The following GAS7 variants were observed in gnomAD, a reference collection of about 807,000 sequenced individuals.
GAS7 encodes the protein growth arrest specific 7.
A neutral mutation model predicts 71.1 loss-of-function variants in GAS7; 28 were observed. The ratio of observed to expected loss-of-function variants is 0.39; its 90% confidence interval spans 0.29 to 0.54. The LOEUF is 0.54. Among genes scored for constraint, GAS7 ranks in the 20% least tolerant of loss-of-function variants. The probability of loss-of-function intolerance (pLI) is 0.62; values close to 1 mark genes in which losing one functional copy is unlikely to be tolerated. For synonymous variants in GAS7, 258 were observed against 245.8 expected (o/e 1.05, Z -0.46); for missense variants, 436 against 627.8 (o/e 0.69, Z 3.27).
chr17:10,086,516 G>A (rs1194294358), intron 1 of GAS7, among the ~76,000 whole-genome samples: 1 of 152,120 alleles, frequency 6.6e-6, no homozygotes, highest in Non-Finnish European at 1.5e-5. Context: ...TTCCTCAATC[G>A]GCAGAAAGAA....
At chr17:10,027,823 G>A (rs540810245) in intron 1 of GAS7, among the ~76,000 whole-genome samples, 3 of 152,162 alleles carry the variant, frequency 2.0e-5, no homozygotes, top group Non-Finnish European at 4.4e-5. Flanking sequence ...AGTTCAAGGA[G>A]AGCCTGGACA....
At chr17:10,013,103 A>C (rs76670081) in intron 2 of GAS7, among the ~76,000 whole-genome samples, 1 of 76,662 alleles carries the variant, frequency 1.3e-5, no homozygotes, top group African/African-American at 6.3e-5. Flanking sequence ...ACTCTGTCTC[A>C]AAAAAAAAAA....
chr17:10,060,338 G>T (rs972357372), intron 1 of GAS7, among the ~76,000 whole-genome samples: 1 of 152,130 alleles, frequency 6.6e-6, no homozygotes, highest in Admixed American at 6.5e-5. Context: ...GCTGGGAGTG[G>T]GAGGAGGGAG....
chr17:10,176,766 C>T (rs564901658), intron 1 of GAS7, among the ~76,000 whole-genome samples: 2 of 152,242 alleles, frequency 1.3e-5, no homozygotes, highest in Non-Finnish European at 2.9e-5. Context: ...GGCTCAATGG[C>T]CTTGTTCTCC....
rs756411537 is a variant in GAS7 at position 9,919,575 on chromosome 17, GCT to G, written c.1218+49_1218+50del. 1 of 1,325,478 alleles carries G rather than the reference GCT, an allele frequency of 7.5e-7. No individual in the cohort carries two copies. The highest frequency in any genetic ancestry group is 1.1e-6 in the Non-Finnish European group (1 of 916,154). 82.1% of individuals were successfully genotyped at this position (1,325,478 alleles called of 1,614,324 possible). ...CGCCCACCAACAACCACCAGGGGCT[GCT>G]CTGTGTCAGCCTCTGTACTGCCATG... On this transcript the variant is annotated intron_variant, in intron 12 of 13. Transcript: ENST00000432992. The surrounding 1 kb of genome is among the most constrained non-coding windows in gnomAD (Gnocchi z 5.0).
intron 2 of GAS7, among the ~76,000 whole-genome samples, chr17:10,015,314 A>C (rs755096033): frequency 2.0e-5 from 3 of 152,202 alleles, no homozygotes; most frequent in Non-Finnish European, 4.4e-5. Flanking sequence ...TTAAGGGAGA[A>C]AGACTAGAAG....
At chr17:10,101,802 C>A (rs541719807) in intron 1 of GAS7, among the ~76,000 whole-genome samples, 1 of 152,178 alleles carries the variant, frequency 6.6e-6, no homozygotes, top group Non-Finnish European at 1.5e-5. Flanking sequence ...TCCCACCATG[C>A]GTTTTGGCAA....
Position 10,058,924 on chromosome 17 carries a change from C to T in GAS7, c.184-39027G>A, listed in dbSNP as rs575321327. 4.6e-5 allele frequency among the ~76,000 whole-genome samples: 7 copies of T among 152,334 alleles called. No individual in the cohort carries two copies. The East Asian group carries it at 7.7e-4, about 17-fold the overall frequency. On this transcript the variant is annotated intron_variant, in intron 1 of 13. Transcript: ENST00000432992. ...AAACTTCCATGCTCTTTCCAGAGGC[C>T]GATCCAGATCAAGTTATACAATCCT...
chr17:10,056,445 T>G (rs947221159), intron 1 of GAS7, among the ~76,000 whole-genome samples: 1 of 152,008 alleles, frequency 6.6e-6, no homozygotes, highest in Non-Finnish European at 1.5e-5. Flanking sequence ...CAATGAACTA[T>G]GAGCATGCCA....
intron 2 of GAS7, among the ~76,000 whole-genome samples, chr17:9,983,574 G>T (rs578113579): frequency 2.6e-5 from 4 of 151,922 alleles, no homozygotes; most frequent in African/African-American, 9.7e-5. Context: ...ATCACTTGAG[G>T]TCAGGGGTTC....
At chr17:9,927,290 T>TACAC (rs371084335) in intron 9 of GAS7, among the ~76,000 whole-genome samples, 19,870 of 116,670 alleles carry the variant, frequency 0.17, 1,810 homozygotes, top group East Asian at 0.23. Flanking sequence ...CTCTACTACA[T>TACAC]ACACACACAC....
chr17:10,171,893 C>A (rs2074337449), intron 1 of GAS7, among the ~76,000 whole-genome samples: 1 of 152,296 alleles, frequency 6.6e-6, no homozygotes. Flanking sequence ...CGTTTCAACA[C>A]ACACAGGAAA....
At chr17:10,055,494 C>T (rs978359830) in intron 1 of GAS7, among the ~76,000 whole-genome samples, 2 of 152,120 alleles carry the variant, frequency 1.3e-5, no homozygotes, top group Non-Finnish European at 2.9e-5. Context: ...CTGTCTGTAC[C>T]GCACTGCACA....
chr17:10,139,774 C>A (rs895280259), intron 1 of GAS7, among the ~76,000 whole-genome samples: 10 of 152,226 alleles, frequency 6.6e-5, no homozygotes, highest in African/African-American at 2.4e-4. Flanking sequence ...AGGGAAGAAG[C>A]AGAGATTCTG....
At chr17:10,063,621 C>T (rs546453323) in intron 1 of GAS7, among the ~76,000 whole-genome samples, 32 of 152,232 alleles carry the variant, frequency 2.1e-4, no homozygotes, top group Admixed American at 1.3e-3. Flanking sequence ...ATGGCGGTGC[C>T]GAGATCAGGG....
At chr17:9,947,004 A>C in intron 5 of GAS7, 21 bp from the exon 6 acceptor site, 1 of 1,540,054 alleles carries the variant, frequency 6.5e-7, no homozygotes, top group Non-Finnish European at 9.0e-7. Context: ...CAGAACAAGA[A>C]AGAATGACCC....
chr17:10,114,683 G>A (rs2073843437), intron 1 of GAS7: 1 of 128,826 alleles, frequency 7.8e-6, no homozygotes, highest in South Asian at 2.6e-4. Flanking sequence ...TTGTTCTAAA[G>A]AGAAGAGAAA....
intron 1 of GAS7, among the ~76,000 whole-genome samples, chr17:10,132,748 AC>A (rs1206217888): frequency 8.0e-6 from 1 of 125,398 alleles, no homozygotes; most frequent in Non-Finnish European, 1.7e-5. Flanking sequence ...ACAGAGTAAG[AC>A]CCTGTCTCAA....
intron 10 of GAS7, 97 bp from the exon 11 acceptor site, chr17:9,925,696 C>T (rs931108736): frequency 5.1e-6 from 7 of 1,382,346 alleles, no homozygotes; most frequent in Admixed American, 1.8e-5. Flanking sequence ...TCCTTTCGCC[C>T]CTTGTTTGTG....
Sources: allele counts gnomAD v4.1 joint callset (sites outside exome capture counted in the v4.1 genomes callset), GRCh38; gene constraint gnomAD v4.1.1; non-coding constraint Gnocchi (gnomAD v3.1); transcripts MANE v1.5; gene names NCBI Gene and HGNC (gene_info 2026-07-23, HGNC 2026-07-21).